The following CPED1 variants were observed in gnomAD, a reference collection of about 807,000 sequenced individuals.
The protein encoded by CPED1 is cadherin-like and PC-esterase domain-containing protein 1.
CPED1 carries 114 observed loss-of-function variants against 128.2 expected under a neutral mutation model. That is an observed-to-expected ratio of 0.89 (90% CI 0.76 to 1.04). CPED1 has a LOEUF of 1.04. CPED1 is among the 50% of genes least tolerant of loss of function. CPED1 has a pLI of 0.00. For synonymous variants in CPED1, 462 were observed against 426.7 expected (o/e 1.08, Z -1.02); for missense variants, 1,211 against 1,207.1 (o/e 1.00, Z -0.05).
At chr7:121,241,394 A>G (rs533575213) in intron 17 of CPED1, among the ~76,000 whole-genome samples, 2 of 147,168 alleles carry the variant, frequency 1.4e-5, no homozygotes, top group South Asian at 2.2e-4. Context: ...AAGAAATTAT[A>G]AAACAGAATT....
chr7:121,227,011 G>A (rs1454709760), intron 16 of CPED1, among the ~76,000 whole-genome samples: 1 of 151,940 alleles, frequency 6.6e-6, no homozygotes, highest in Non-Finnish European at 1.5e-5. Context: ...TTTCTCAAAA[G>A]GGAGAACCAC....
At chr7:121,233,208 C>T (rs1798175583) in intron 16 of CPED1, among the ~76,000 whole-genome samples, 1 of 152,072 alleles carries the variant, frequency 6.6e-6, no homozygotes, top group African/African-American at 2.4e-5. Flanking sequence ...TATTGTTGCA[C>T]TCAATTGAGA....
intron 4 of CPED1, among the ~76,000 whole-genome samples, chr7:121,060,835 A>G (rs1029865261): frequency 3.3e-5 from 5 of 152,228 alleles, no homozygotes; most frequent in African/African-American, 1.2e-4. Flanking sequence ...GCGCTTTGCA[A>G]TAAATCTTGC....
chr7:121,061,056 G>A (rs1009794508), intron 4 of CPED1: 2 of 152,986 alleles, frequency 1.3e-5, no homozygotes, highest in African/African-American at 4.8e-5. Context: ...CCAGAAGGAA[G>A]AAACTCCGAA....
rs1052282575 is a variant in CPED1, at chr7:121,065,751, C to T, written c.616+1438C>T. 4.5e-4 allele frequency among the ~76,000 whole-genome samples: 68 copies of T among 152,208 alleles called. 2 individuals are homozygous for T. The highest frequency in any genetic ancestry group is 1.6e-3 in the African/African-American group (67 of 41,560). ...ATTTTCTATCTTCTTTTGCTTCAAACATTTTTTTTATTCTCGAGAACATCT... is the reference window on the plus strand; with the variant it reads ...ATTTTCTATCTTCTTTTGCTTCAAATATTTTTTTTATTCTCGAGAACATCT... On this transcript the variant is annotated intron_variant, in intron 5 of 22. Transcript: ENST00000310396.
Position 121,129,334 on chromosome 7 carries a change from T to C in CPED1, c.1408-791T>C, listed in dbSNP as rs534818129. Among the ~76,000 whole-genome samples, 195 of 127,822 alleles carry C rather than the reference T, an allele frequency of 1.5e-3. 1 individual carries two copies. Among genetic ancestry groups the C allele is most frequent in the Admixed American group, 5.4e-3 (69 of 12,708 alleles). The allele number at this position is 127,822 out of a possible 152,430, so 83.9% of individuals were successfully genotyped here. On this transcript the variant is annotated intron_variant, in intron 11 of 22. Transcript: ENST00000310396. ...ATACGTATATATATATATATATATA[T>C]ACGTATATATATATATACATACATA... is the stretch of plus-strand genomic sequence containing the variant.
rs139055877 is a variant in CPED1 at position 121,220,760 on chromosome 7, A to G, written c.2056-15954A>G. On this transcript the variant is annotated intron_variant, in intron 16 of 22. Coordinates refer to ENST00000310396, the MANE Select transcript of CPED1 (RefSeq NM_024913.5). ...AAGTAAAAGTGCATTTTGCCTTTCCATCTCTGGCCTTCTATTCTTAATCTT... is the reference window on the plus strand; with the variant it reads ...AAGTAAAAGTGCATTTTGCCTTTCCGTCTCTGGCCTTCTATTCTTAATCTT... Among the ~76,000 whole-genome samples the G allele has an allele frequency of 6.4e-3, 979 of 152,122 alleles. 11 individuals carry two copies. The highest frequency in any genetic ancestry group is 0.022 in the African/African-American group (899 of 41,546).
chr7:121,242,226 A>C (rs1341724981), intron 17 of CPED1, among the ~76,000 whole-genome samples: 2 of 152,216 alleles, frequency 1.3e-5, no homozygotes, highest in East Asian at 3.9e-4. Flanking sequence ...CCTGAGTATA[A>C]ATTTTTGAGG....
chr7:120,996,512 C>G (rs1246699435), intron 2 of CPED1, among the ~76,000 whole-genome samples: 1 of 152,146 alleles, frequency 6.6e-6, no homozygotes, highest in Non-Finnish European at 1.5e-5. Flanking sequence ...TCCTTGGCAT[C>G]TGGCCCAGAT....
At chr7:121,253,442 C>T (rs962968735) in intron 18 of CPED1, among the ~76,000 whole-genome samples, 5 of 151,388 alleles carry the variant, frequency 3.3e-5, no homozygotes, top group Non-Finnish European at 7.4e-5. Context: ...TGCACATGTA[C>T]CCTAAAACTT....
At chr7:121,026,416 A>G (rs1792582522) in intron 3 of CPED1, among the ~76,000 whole-genome samples, 1 of 152,058 alleles carries the variant, frequency 6.6e-6, no homozygotes, top group African/African-American at 2.4e-5. Context: ...GTGCTATCAT[A>G]GTGGCTATTA....
intron 18 of CPED1, among the ~76,000 whole-genome samples, chr7:121,250,093 TAAAAG>T (rs1584631229): frequency 1.3e-5 from 2 of 152,128 alleles, no homozygotes; most frequent in African/African-American, 4.8e-5. Flanking sequence ...TCAGCAAATG[TAAAAG>T]AACATAAATT....
rs555789765 is a variant in CPED1 at position 121,228,490 on chromosome 7, A to T, written c.2056-8224A>T. 2.0e-5 allele frequency among the ~76,000 whole-genome samples: 3 copies of T among 151,660 alleles called. No individual in the cohort carries two copies. In the East Asian group the frequency reaches 5.9e-4, roughly 30 times the overall value. On this transcript the variant is annotated intron_variant, in intron 16 of 22. Transcript: ENST00000310396. ...ATTATTAAAAAGACAAAAAAAATAG[A>T]TGTTGGCAAGGATGTGAAGAAAAGA...
intron 2 of CPED1, among the ~76,000 whole-genome samples, chr7:121,009,939 T>A (rs1792118089): frequency 6.6e-6 from 1 of 152,206 alleles, no homozygotes; most frequent in Non-Finnish European, 1.5e-5. Context: ...AGGGCATGCA[T>A]GTATTTATAA....
chr7:121,049,578 A>G (rs1468128689), intron 4 of CPED1, among the ~76,000 whole-genome samples: 1 of 152,220 alleles, frequency 6.6e-6, no homozygotes, highest in African/African-American at 2.4e-5. Flanking sequence ...TGGAGGGCCA[A>G]GTGGTGAATA....
At position 121,295,689 on chromosome 7, in the gene CPED1, G is replaced by A. The variant is rs759090181; in HGVS notation, c.*37G>A. ...GAGAGCTGAATCTGGAGCTGGAGAC[G>A]AGCTAGTCACCCGGACAATGGTCTA... On this transcript the variant is annotated 3_prime_UTR_variant, in exon 23 of 23. Coordinates refer to ENST00000310396, the MANE Select transcript of CPED1 (RefSeq NM_024913.5). The A allele has an allele frequency of 4.4e-5, 69 of 1,570,958 alleles. No individual in the cohort carries two copies. Among genetic ancestry groups the A allele is most frequent in the Non-Finnish European group, 5.5e-5 (63 of 1,142,536 alleles).
intron 2 of CPED1, among the ~76,000 whole-genome samples, chr7:121,005,237 T>A (rs947038498): frequency 6.6e-6 from 1 of 152,186 alleles, no homozygotes; most frequent in Non-Finnish European, 1.5e-5. Flanking sequence ...GCTTCATCCA[T>A]GTCCCTGCAA....
chr7:121,173,859 A>C lies in CPED1; in HGVS notation c.2055+31718A>C, dbSNP rs35626818. ...TATACACCCCCACCAACAGTTTATA[A>C]ATGTTCCTTTTTTGCCGCAACATCA... On this transcript the variant is annotated intron_variant, in intron 16 of 22. Coordinates refer to ENST00000310396, the MANE Select transcript of CPED1 (RefSeq NM_024913.5). Among the ~76,000 whole-genome samples, 994 of 152,180 alleles carry C rather than the reference A, an allele frequency of 6.5e-3. 15 individuals are homozygous for C. The highest frequency in any genetic ancestry group is 0.022 in the African/African-American group (932 of 41,546).
At chr7:121,120,551 T>G (rs1795358806) in intron 7 of CPED1, among the ~76,000 whole-genome samples, 1 of 152,186 alleles carries the variant, frequency 6.6e-6, no homozygotes. Flanking sequence ...CTGGTATACT[T>G]TAGTACGGTA....
Sources: gnomAD v4.1 joint callset for allele counts (sites outside exome capture counted in the v4.1 genomes callset) on GRCh38, gnomAD v4.1.1 for gene constraint, MANE v1.5 for transcripts, NCBI Gene and HGNC (gene_info 2026-07-23, HGNC 2026-07-21) for gene names.